SZRD1: variants seen among roughly 807,000 people sequenced by gnomAD.
SZRD1 encodes the protein SUZ RNA binding domain containing 1.
In SZRD1, 7 loss-of-function variants were observed where a neutral mutation model predicts 17.6. The observed-to-expected ratio is 0.40, with a 90% confidence interval of 0.23 to 0.75. The LOEUF (loss-of-function observed/expected upper bound fraction) is 0.75, where lower values mean the gene tolerates loss of function less well. Among genes scored for constraint, SZRD1 ranks in the 30% least tolerant of loss-of-function variants. The pLI, the probability that SZRD1 is intolerant of heterozygous loss-of-function variation, is 0.38. For missense variants in SZRD1, 178 were observed against 201.8 expected, an observed-to-expected ratio of 0.88 and a Z score of 0.71; for synonymous variants, 77 against 77.9, an observed-to-expected ratio of 0.99 and a Z score of 0.06.
At chr1:16,381,324 C>T (rs1310714357) in intron 1 of SZRD1, among the ~76,000 whole-genome samples, 1 of 151,552 alleles carries the variant, frequency 6.6e-6, no homozygotes, top group Non-Finnish European at 1.5e-5. Context: ...TTTGGAAGGC[C>T]GAGGTGGGTG....
At chr1:16,374,197 C>T (rs1016076938) in intron 1 of SZRD1, among the ~76,000 whole-genome samples, 6 of 152,206 alleles carry the variant, frequency 3.9e-5, no homozygotes, top group Non-Finnish European at 8.8e-5. Flanking sequence ...GTTCCAGATA[C>T]ACCATGCCTA....
In SZRD1 at chr1:16,396,385, AGAT is replaced by A. The variant is rs2100761014; in HGVS notation, c.*1246_*1248del. On this transcript the variant is annotated 3_prime_UTR_variant, in exon 4 of 4. Transcript: ENST00000401088. Reference sequence around the variant, plus strand: ...GAAAAAGAACAGCTTTGCTTTGCAAAGATTGATGACAGACTGGTTCCTCAGAGG... The same window carrying A: ...GAAAAAGAACAGCTTTGCTTTGCAAATGATGACAGACTGGTTCCTCAGAGG... 1 of 152,360 alleles carries A rather than the reference AGAT, an allele frequency of 6.6e-6. No homozygotes were observed. The highest frequency in any genetic ancestry group is 1.5e-5 in the Non-Finnish European group (1 of 68,048). 9.4% of individuals were successfully genotyped at this position (152,360 alleles called of 1,614,324 possible).
At chr1:16,390,292 C>T (rs1041184109) in intron 1 of SZRD1, among the ~76,000 whole-genome samples, 4 of 152,148 alleles carry the variant, frequency 2.6e-5, no homozygotes, top group East Asian at 1.9e-4. Context: ...TGCTCACACG[C>T]GTGTGTGGAG....
chr1:16,377,591 G>T (rs908339525), intron 1 of SZRD1, among the ~76,000 whole-genome samples: 21 of 147,316 alleles, frequency 1.4e-4, no homozygotes, highest in Non-Finnish European at 3.2e-4. Flanking sequence ...AGCAAGAAAG[G>T]ATAGGTTCTC....
chr1:16,368,967 T>C (rs2082866382), intron 1 of SZRD1, among the ~76,000 whole-genome samples: 1 of 152,212 alleles, frequency 6.6e-6, no homozygotes, highest in African/African-American at 2.4e-5. Context: ...CTTTAGTTTT[T>C]CAGAATGGGT....
At chr1:16,367,367 T>C in intron 1 of SZRD1, 59 bp downstream of exon 1, 1 of 1,481,100 alleles carries the variant, frequency 6.8e-7, no homozygotes, top group South Asian at 1.2e-5. Context: ...GAGGGGAGCC[T>C]CCGGGGAGCG....
intron 1 of SZRD1, among the ~76,000 whole-genome samples, chr1:16,390,146 T>C (rs2085199288): frequency 1.3e-5 from 2 of 152,242 alleles, no homozygotes; most frequent in Non-Finnish European, 2.9e-5. Flanking sequence ...TTAGAGCTAG[T>C]TGATCTTGTC....
At position 16,393,232 on chromosome 1, in the gene SZRD1, A is replaced by C. The variant is rs750819419; in HGVS notation, c.106A>C (p.Lys36Gln). The C allele has an allele frequency of 6.2e-7, 1 of 1,613,726 alleles. No homozygotes were observed. The change falls in exon 3 of 4, where the codon AAA becomes CAA. Residue 36 changes from lysine to glutamine, a missense_variant. Lys to Gln is a moderately conservative substitution (Grantham distance 53, BLOSUM62 1). Coordinates refer to ENST00000401088, the MANE Select transcript of SZRD1 (RefSeq NM_001114600.3). This position sits in a 1 kb window ranked among gnomAD's most constrained non-coding sequence, Gnocchi z 5.6. ...GCTGTGTTTGCTCTTTGTCAGCAGG[A>C]AATCCAAATCTCCTCCCAAAGTGCC... Reference protein sequence around the residue: ...KLKITQKESRKSKSPPKVPIV... With the variant: ...KLKITQKESRQSKSPPKVPIV...
chr1:16,369,859 A>G (rs1383644023), intron 1 of SZRD1, among the ~76,000 whole-genome samples: 1 of 150,598 alleles, frequency 6.6e-6, no homozygotes, highest in Non-Finnish European at 1.5e-5. Context: ...ATTGCACTCC[A>G]GCCTGGGCAA....
Sources: allele counts gnomAD v4.1 joint callset (sites outside exome capture counted in the v4.1 genomes callset), GRCh38; gene constraint gnomAD v4.1.1; non-coding constraint Gnocchi (gnomAD v3.1); transcripts MANE v1.5; gene names NCBI Gene and HGNC (gene_info 2026-07-23, HGNC 2026-07-21).